The following CACNA1C variants were observed in gnomAD, a reference collection of about 807,000 sequenced individuals.
CACNA1C encodes voltage-dependent L-type calcium channel subunit alpha-1C.
In CACNA1C, 30 loss-of-function variants were observed where a neutral mutation model predicts 229.0. That is an observed-to-expected ratio of 0.13 (90% CI 0.10 to 0.18). The LOEUF (loss-of-function observed/expected upper bound fraction) is 0.18. Among genes scored for constraint, CACNA1C ranks in the 10% least tolerant of loss-of-function variants. The probability of loss-of-function intolerance (pLI) is 1.00; values close to 1 mark genes in which losing one functional copy is unlikely to be tolerated. For missense variants in CACNA1C, 1,658 were observed against 2,845.0 expected (o/e 0.58, Z 9.49); for synonymous variants, 1,114 against 1,132.5 (o/e 0.98, Z 0.33).
intron 11 of CACNA1C, among the ~76,000 whole-genome samples, chr12:2,560,534 A>G (rs1419709825): frequency 6.6e-6 from 1 of 152,232 alleles, no homozygotes; most frequent in Admixed American, 6.5e-5. Flanking sequence ...TTCAGAATAA[A>G]TGTAAACAGT....
At chr12:2,145,549 G>T (rs1327379444) in intron 3 of CACNA1C, among the ~76,000 whole-genome samples, 1 of 150,998 alleles carries the variant, frequency 6.6e-6, no homozygotes, top group African/African-American at 2.4e-5. Flanking sequence ...GTGTTTGCTT[G>T]CTCATTTATT....
At position 2,678,119 on chromosome 12, in the gene CACNA1C, C is replaced by T. The variant is rs901655489; in HGVS notation, c.5091+252C>T. 3.9e-5 allele frequency among the ~76,000 whole-genome samples: 6 copies of T among 152,324 alleles called. No homozygotes were observed. The highest frequency in any genetic ancestry group is 3.4e-3 in the Middle Eastern group (1 of 294). On this transcript the variant is annotated intron_variant, in intron 41 of 46. Transcript: ENST00000399655. This position sits in a 1 kb window ranked among gnomAD's most constrained non-coding sequence, Gnocchi z 4.1. ...TCTCAGAGAAGCGGGAAGGAACCGC[C>T]TTCCTAAGGGAAATGTTTCCTAGGA...
chr12:1,995,143 T>G (rs961174969), intron 1 of CACNA1C, among the ~76,000 whole-genome samples: 38 of 152,180 alleles, frequency 2.5e-4, no homozygotes, highest in African/African-American at 8.9e-4. Context: ...AAGAAATCCT[T>G]GAAAATACAA....
chr12:2,381,564 C>G (rs1187285912), intron 3 of CACNA1C, among the ~76,000 whole-genome samples: 3 of 152,214 alleles, frequency 2.0e-5, no homozygotes, highest in Non-Finnish European at 4.4e-5. Context: ...CCCTGGGAAG[C>G]CTGGCTCCTT....
chr12:2,448,443 G>T (rs1235414378), intron 3 of CACNA1C, among the ~76,000 whole-genome samples: 1 of 152,144 alleles, frequency 6.6e-6, no homozygotes, highest in Non-Finnish European at 1.5e-5. Context: ...GCTCTTAAGG[G>T]ATCTTCACCG....
intron 1 of CACNA1C, among the ~76,000 whole-genome samples, chr12:2,112,776 G>A (rs1029935766): frequency 1.3e-5 from 2 of 152,150 alleles, no homozygotes; most frequent in African/African-American, 2.4e-5. Flanking sequence ...CCCATGGTGG[G>A]CAACACTAAT....
intron 1 of CACNA1C, among the ~76,000 whole-genome samples, chr12:2,107,744 T>A (rs886151814): frequency 3.3e-5 from 5 of 152,262 alleles, no homozygotes; most frequent in Non-Finnish European, 5.9e-5. Flanking sequence ...GGGTGGTTAA[T>A]TCTTGATCAG....
At chr12:2,079,380 T>C (rs931480491) in intron 1 of CACNA1C, among the ~76,000 whole-genome samples, 7 of 152,222 alleles carry the variant, frequency 4.6e-5, no homozygotes, top group South Asian at 4.1e-4. Context: ...TACTCATTTC[T>C]CACAATTCTG....
In CACNA1C at chr12:2,226,125, GCACACACACACACACACACA is replaced by G. The variant is rs59055471; in HGVS notation, c.477+105724_477+105743del. Among the ~76,000 whole-genome samples, 142 of 142,874 alleles carry G rather than the reference GCACACACACACACACACACA, an allele frequency of 9.9e-4. 1 individual carries two copies. The highest frequency in any genetic ancestry group is 4.0e-3 in the Admixed American group (57 of 14,326). 93.7% of individuals were successfully genotyped at this position (142,874 alleles called of 152,430 possible). On this transcript the variant is annotated intron_variant, in intron 3 of 46. Transcript: ENST00000399655. ...GTATGCCGCTTGGATATGGGGACGC[GCACACACACACACACACACA>G]CACACACACACACACACACACACAC...
At chr12:2,209,480 G>A (rs1338281955) in intron 3 of CACNA1C, among the ~76,000 whole-genome samples, 2 of 152,192 alleles carry the variant, frequency 1.3e-5, no homozygotes, top group Non-Finnish European at 2.9e-5. Flanking sequence ...AGGCACGCCC[G>A]TGGCTGCTCT....
chr12:2,079,176 A>T (rs2064463778), intron 1 of CACNA1C, among the ~76,000 whole-genome samples: 1 of 152,040 alleles, frequency 6.6e-6, no homozygotes, highest in African/African-American at 2.4e-5. Context: ...TATACCTAAT[A>T]TTAAATGAAG....
At chr12:2,396,999 A>T (rs797018212) in intron 3 of CACNA1C, among the ~76,000 whole-genome samples, 9 of 152,364 alleles carry the variant, frequency 5.9e-5, no homozygotes, top group African/African-American at 2.2e-4. Context: ...GTTCTAAACT[A>T]ACTTCTAAAT....
intron 3 of CACNA1C, among the ~76,000 whole-genome samples, chr12:2,437,568 C>T (rs1226666235): frequency 6.6e-6 from 1 of 152,212 alleles, no homozygotes; most frequent in Non-Finnish European, 1.5e-5. Context: ...TGCAGAGTTA[C>T]TGTTAGGATT....
At chr12:2,435,489 A>G (rs1275913738) in intron 3 of CACNA1C, among the ~76,000 whole-genome samples, 1 of 152,136 alleles carries the variant, frequency 6.6e-6, no homozygotes, top group Non-Finnish European at 1.5e-5. Context: ...CGTGTTGAGG[A>G]TACTAAGGTG....
At chr12:2,304,651 G>A (rs1054979863) in intron 3 of CACNA1C, among the ~76,000 whole-genome samples, 6 of 151,974 alleles carry the variant, frequency 3.9e-5, no homozygotes, top group South Asian at 2.1e-4. Context: ...TTGCTCCACC[G>A]GCCACAAAGC....
chr12:2,222,745 T>C (rs2061799573), intron 3 of CACNA1C, among the ~76,000 whole-genome samples: 1 of 152,178 alleles, frequency 6.6e-6, no homozygotes, highest in South Asian at 2.1e-4. Context: ...GACAATGAGT[T>C]GTCCTGAGTG....
rs904714489 is a variant in CACNA1C at position 2,029,560 on chromosome 12, T to C, written c.139+58359T>C. 1.3e-5 allele frequency among the ~76,000 whole-genome samples: 2 copies of C among 152,240 alleles called. No individual in the cohort carries two copies. The highest frequency in any genetic ancestry group is 4.8e-5 in the African/African-American group (2 of 41,460). ...AGTGTCTGGCTTCTTTCACTTAGCA[T>C]AATGTTTTCGAGGTTCATCCACATT... On this transcript the variant is annotated intron_variant, in intron 1 of 46. Coordinates refer to the CACNA1C transcript ENST00000682462. This position sits in a 1 kb window ranked among gnomAD's most constrained non-coding sequence, Gnocchi z 4.9.
intron 3 of CACNA1C, among the ~76,000 whole-genome samples, chr12:2,231,655 A>C (rs1371371482): frequency 6.6e-6 from 1 of 152,264 alleles, no homozygotes; most frequent in East Asian, 1.9e-4. Flanking sequence ...CCTATTTTGC[A>C]AGCAGCGCCC....
At chr12:2,102,490 C>A (rs1025676781) in intron 1 of CACNA1C, among the ~76,000 whole-genome samples, 1 of 152,216 alleles carries the variant, frequency 6.6e-6, no homozygotes, top group Admixed American at 6.5e-5. Context: ...TTCTTCCCCA[C>A]TGTCTGCACA....
Sources: allele counts gnomAD v4.1 joint callset (sites outside exome capture counted in the v4.1 genomes callset), GRCh38; gene constraint gnomAD v4.1.1; non-coding constraint Gnocchi (gnomAD v3.1); transcripts MANE v1.5; gene names NCBI Gene and HGNC (gene_info 2026-07-23, HGNC 2026-07-21).